The following RANBP2 variants were observed in gnomAD, a reference collection of about 807,000 sequenced individuals.
RANBP2 encodes RAN binding protein 2.
RANBP2 carries 57 observed loss-of-function variants against 303.6 expected under a neutral mutation model. That is an observed-to-expected ratio of 0.19 (90% CI 0.15 to 0.23). RANBP2 has a LOEUF of 0.23. Ranked by LOEUF, RANBP2 falls within the 10% of genes least tolerant of loss-of-function variation. RANBP2 has a pLI of 1.00. For synonymous variants in RANBP2, 1,167 were observed against 1,301.5 expected, an observed-to-expected ratio of 0.90 and a Z score of 2.23; for missense variants, 3,138 against 3,780.8, an observed-to-expected ratio of 0.83 and a Z score of 4.46.
chr2:109,474,708 A>G, the RANBP2 span, among the ~76,000 whole-genome samples: 1 of 152,340 alleles, frequency 6.6e-6, no homozygotes, highest in East Asian at 1.9e-4. Flanking sequence ...CATCGCAGAT[A>G]CTTCACCACC....
the RANBP2 span, among the ~76,000 whole-genome samples, chr2:109,315,745 GC>G: frequency 1.3e-5 from 2 of 152,194 alleles, no homozygotes; most frequent in Non-Finnish European, 2.9e-5. Context: ...ATTATGTCTG[GC>G]TATTGTGACA....
chr2:109,226,179 G>C, the RANBP2 span, among the ~76,000 whole-genome samples: 1 of 152,178 alleles, frequency 6.6e-6, no homozygotes, highest in South Asian at 2.1e-4. Flanking sequence ...CCAGGTTTAT[G>C]AACCCAGCTC....
the RANBP2 span, among the ~76,000 whole-genome samples, chr2:108,957,607 C>T: frequency 2.6e-5 from 4 of 152,224 alleles, no homozygotes; most frequent in East Asian, 1.9e-4. Context: ...CCTGGATAAA[C>T]GTGGGTTAAG....
chr2:109,104,863 G>C, the RANBP2 span, among the ~76,000 whole-genome samples: 1 of 152,196 alleles, frequency 6.6e-6, no homozygotes, highest in Non-Finnish European at 1.5e-5. Context: ...CTGTTGACTA[G>C]ATACAGTTAA....
At chr2:109,077,115 G>T in the RANBP2 span, among the ~76,000 whole-genome samples, 5 of 150,414 alleles carry the variant, frequency 3.3e-5, 1 homozygote, top group South Asian at 4.2e-4. Flanking sequence ...TTTCAACAAG[G>T]ACCCCAAGAA....
the RANBP2 span, among the ~76,000 whole-genome samples, chr2:109,679,676 A>G: frequency 2.6e-5 from 4 of 152,164 alleles, no homozygotes; most frequent in Non-Finnish European, 5.9e-5. Context: ...CATTGCCTCA[A>G]TCAGACCATC....
the RANBP2 span, chr2:109,737,530 T>C: frequency 9.0e-3 from 4,939 of 546,034 alleles, 49 homozygotes; most frequent in African/African-American, 0.029. Flanking sequence ...ATGGCAGTAG[T>C]GGAGGCAGAA....
chr2:109,593,423 T>TTTTTTTTTTTA, the RANBP2 span, among the ~76,000 whole-genome samples: 1 of 151,454 alleles, frequency 6.6e-6, no homozygotes, highest in African/African-American at 2.4e-5. Flanking sequence ...TTTTTTTTTT[T>TTTTTTTTTTTA]GAGACGGCAT....
chr2:109,296,716 C>A, the RANBP2 span, among the ~76,000 whole-genome samples: 1 of 152,096 alleles, frequency 6.6e-6, no homozygotes, highest in Admixed American at 6.5e-5. Context: ...TCTGCAGAGT[C>A]CCCTGTGAGG....
At chr2:109,682,384 T>C in the RANBP2 span, among the ~76,000 whole-genome samples, 1 of 152,170 alleles carries the variant, frequency 6.6e-6, no homozygotes, top group Non-Finnish European at 1.5e-5. Context: ...CTGGATACTC[T>C]GTATTTGCTA....
chr2:109,552,962 A>T, the RANBP2 span: 1 of 1,090,016 alleles, frequency 9.2e-7, no homozygotes, highest in Admixed American at 2.4e-5. Flanking sequence ...TATGTGTTGG[A>T]AAAGCTACTC....
chr2:109,328,636 G>A, the RANBP2 span, among the ~76,000 whole-genome samples: 2 of 152,180 alleles, frequency 1.3e-5, no homozygotes, highest in Non-Finnish European at 2.9e-5. Flanking sequence ...CCTAGGTCAT[G>A]GTACTGATAT....
chr2:108,730,187 G>A (rs1695056438), intron 2 of RANBP2, among the ~76,000 whole-genome samples: 2 of 135,180 alleles, frequency 1.5e-5, no homozygotes. Flanking sequence ...TTCTCTGATC[G>A]TAATACTGTC....
the RANBP2 span, among the ~76,000 whole-genome samples, chr2:109,256,266 T>C: frequency 0.02 from 3,025 of 152,294 alleles, 111 homozygotes; most frequent in African/African-American, 0.068. Context: ...ATTGTTTCAC[T>C]TGGGCCTGGT....
At chr2:109,401,323 C>T in the RANBP2 span, among the ~76,000 whole-genome samples, 1 of 152,198 alleles carries the variant, frequency 6.6e-6, no homozygotes. Flanking sequence ...TGAGGGGTAC[C>T]CCTAAGAAGA....
the RANBP2 span, among the ~76,000 whole-genome samples, chr2:109,235,023 C>G: frequency 6.6e-6 from 1 of 152,276 alleles, no homozygotes; most frequent in African/African-American, 2.4e-5. Flanking sequence ...TTAGAAGCTG[C>G]CCTGGTCCCT....
the RANBP2 span, among the ~76,000 whole-genome samples, chr2:109,049,520 G>A: frequency 6.6e-6 from 1 of 152,182 alleles, no homozygotes; most frequent in Non-Finnish European, 1.5e-5. Context: ...CTCCCCTTGT[G>A]TGTAATTGCA....
chr2:108,868,087 G>A, the RANBP2 span, among the ~76,000 whole-genome samples: 2 of 152,194 alleles, frequency 1.3e-5, no homozygotes, highest in Non-Finnish European at 2.9e-5. Context: ...ACCAAAGAGT[G>A]TGCTAACTTG....
At chr2:109,513,394 A>C in the RANBP2 span, among the ~76,000 whole-genome samples, 4 of 151,686 alleles carry the variant, frequency 2.6e-5, no homozygotes, top group Middle Eastern at 6.8e-3. Context: ...ACATGTACAC[A>C]TGCATGCACA....
Sources: gnomAD v4.1 joint callset for allele counts (sites outside exome capture counted in the v4.1 genomes callset) on GRCh38, gnomAD v4.1.1 for gene constraint, MANE v1.5 for transcripts, NCBI Gene and HGNC (gene_info 2026-07-23, HGNC 2026-07-21) for gene names.